The following MAGI1 variants were observed in gnomAD, a reference collection of about 807,000 sequenced individuals.
MAGI1 encodes membrane-associated guanylate kinase, WW and PDZ domain-containing protein 1.
MAGI1 carries 58 observed loss-of-function variants against 139.9 expected under a neutral mutation model. The observed-to-expected ratio is 0.41, with a 90% CI of 0.34 to 0.52. The LOEUF (loss-of-function observed/expected upper bound fraction) is 0.52. MAGI1 is among the 20% of genes least tolerant of loss of function. The pLI is 0.12. For missense variants in MAGI1, 1,874 were observed against 1,901.6 expected (o/e 0.99, Z 0.27); for synonymous variants, 812 against 737.9 (o/e 1.10, Z -1.63).
intron 9 of MAGI1, 50 bp from the exon 10 acceptor site, chr3:65,437,297 G>T: frequency 1.7e-6 from 2 of 1,183,362 alleles, no homozygotes; most frequent in South Asian, 2.5e-5. Context: ...ATGGCTCATT[G>T]AGTTACTTAT....
At chr3:65,484,833 T>C (rs977740816) in intron 3 of MAGI1, among the ~76,000 whole-genome samples, 6 of 152,204 alleles carry the variant, frequency 3.9e-5, no homozygotes, top group Admixed American at 3.3e-4. Flanking sequence ...TCAGTTCTTA[T>C]ATGTTCTCAA....
chr3:65,363,046 G>A (rs75983217), intron 21 of MAGI1, among the ~76,000 whole-genome samples: 5,426 of 152,186 alleles, frequency 0.036, 546 homozygotes, highest in East Asian at 0.3. Context: ...TAACCAGCTA[G>A]AGGATAAGTA....
chr3:65,810,445 A>G (rs1202968954), intron 1 of MAGI1, among the ~76,000 whole-genome samples: 1 of 152,258 alleles, frequency 6.6e-6, no homozygotes, highest in African/African-American at 2.4e-5. Flanking sequence ...ATGAAACATG[A>G]GTAATTCCAT....
chr3:65,821,626 C>T (rs993091701), intron 1 of MAGI1, among the ~76,000 whole-genome samples: 4 of 152,200 alleles, frequency 2.6e-5, no homozygotes, highest in Non-Finnish European at 5.9e-5. Context: ...TTCTTACCCA[C>T]CAGCATGGCT....
At chr3:65,857,545 G>A (rs913904337) in intron 1 of MAGI1, among the ~76,000 whole-genome samples, 1 of 152,112 alleles carries the variant, frequency 6.6e-6, no homozygotes, top group Non-Finnish European at 1.5e-5. Context: ...CACGGTTCAG[G>A]GTCCAGAGCT....
At chr3:65,495,830 G>A (rs910813452) in intron 2 of MAGI1, among the ~76,000 whole-genome samples, 2 of 152,032 alleles carry the variant, frequency 1.3e-5, no homozygotes, top group African/African-American at 4.8e-5. Flanking sequence ...AGAGGGAAGG[G>A]AAAAGGCTTT....
intron 2 of MAGI1, among the ~76,000 whole-genome samples, chr3:65,570,006 A>T (rs985162222): frequency 6.6e-6 from 1 of 151,134 alleles, no homozygotes; most frequent in Non-Finnish European, 1.5e-5. Context: ...GATGAGAGGT[A>T]GTATACTCTC....
chr3:65,897,732 G>A (rs374902926), intron 1 of MAGI1, among the ~76,000 whole-genome samples: 1 of 151,726 alleles, frequency 6.6e-6, no homozygotes, highest in Non-Finnish European at 1.5e-5. Context: ...GCATGGTGGT[G>A]TACCCCTGCA....
At chr3:65,611,558 T>C (rs191602912) in intron 2 of MAGI1, among the ~76,000 whole-genome samples, 11 of 143,296 alleles carry the variant, frequency 7.7e-5, no homozygotes, top group African/African-American at 1.8e-4. Flanking sequence ...ATACTGTATA[T>C]ACACATATAT....
At chr3:65,517,239 G>C (rs888574421) in intron 2 of MAGI1, among the ~76,000 whole-genome samples, 3 of 152,042 alleles carry the variant, frequency 2.0e-5, no homozygotes, top group African/African-American at 7.2e-5. Context: ...TGTCTCAGTT[G>C]GCCACTCTTT....
At position 65,848,374 on chromosome 3, in the gene MAGI1, T is replaced by C. The variant is rs969748629; in HGVS notation, c.313+189622A>G. ...AGGCTTAATAAGAAGCTGACATCGA[T>C]ATCTGATGGCCTGAGAATCTACTTC... On this transcript the variant is annotated intron_variant, in intron 1 of 22. Coordinates refer to ENST00000402939, the MANE Select transcript of MAGI1 (RefSeq NM_001033057.2). Among the ~76,000 whole-genome samples, 7 of 152,308 alleles carry C rather than the reference T, an allele frequency of 4.6e-5. No homozygotes were observed. In the East Asian group the frequency reaches 9.7e-4, roughly 21 times the overall value.
rs375719731 is a variant in MAGI1 at position 65,695,277 on chromosome 3, G to T, written c.314-73189C>A. Among the ~76,000 whole-genome samples, 15 of 152,310 alleles carry T rather than the reference G, an allele frequency of 9.8e-5. No homozygotes were observed. In the East Asian group the frequency reaches 2.5e-3, roughly 26 times the overall value. On this transcript the variant is annotated intron_variant, in intron 1 of 22. Coordinates refer to ENST00000402939, the MANE Select transcript of MAGI1 (RefSeq NM_001033057.2). ...TTAGGTGGGAGACTGTTGGGACAAA[G>T]TTCGGCCTGATTCAGGCATCACCCC... is the stretch of plus-strand genomic sequence containing the variant.
At chr3:65,407,110 C>T (rs775120699) in intron 12 of MAGI1, among the ~76,000 whole-genome samples, 10 of 151,876 alleles carry the variant, frequency 6.6e-5, no homozygotes, top group Non-Finnish European at 1.3e-4. Context: ...TGCAAAAATT[C>T]CTATAAAAAG....
At chr3:65,956,771 G>A (rs2064147620) in intron 1 of MAGI1, among the ~76,000 whole-genome samples, 1 of 152,142 alleles carries the variant, frequency 6.6e-6, no homozygotes, top group Non-Finnish European at 1.5e-5. Flanking sequence ...GCTGAGGCGG[G>A]AGGACCACTT....
intron 1 of MAGI1, among the ~76,000 whole-genome samples, chr3:65,645,440 A>G (rs2085207923): frequency 6.6e-6 from 1 of 152,190 alleles, no homozygotes; most frequent in Non-Finnish European, 1.5e-5. Flanking sequence ...TTCTACATCC[A>G]GTAAAAATAT....
At chr3:65,476,631 G>T (rs537160721) in intron 4 of MAGI1, among the ~76,000 whole-genome samples, 1 of 152,292 alleles carries the variant, frequency 6.6e-6, no homozygotes, top group Non-Finnish European at 1.5e-5. Flanking sequence ...AGGCACACAA[G>T]CTTCTTGGGG....
chr3:65,690,721 C>A (rs867570224), intron 1 of MAGI1, among the ~76,000 whole-genome samples: 1 of 151,206 alleles, frequency 6.6e-6, no homozygotes, highest in Admixed American at 6.6e-5. Flanking sequence ...CTCAAGTGAT[C>A]CACCTCCCAA....
chr3:65,890,749 C>T (rs939501344), intron 1 of MAGI1, among the ~76,000 whole-genome samples: 4 of 152,224 alleles, frequency 2.6e-5, no homozygotes, highest in African/African-American at 9.6e-5. Context: ...CAAGGCCAGT[C>T]ATACAGCTGG....
chr3:65,976,969 C>T (rs2065296347), intron 1 of MAGI1, among the ~76,000 whole-genome samples: 1 of 152,108 alleles, frequency 6.6e-6, no homozygotes, highest in African/African-American at 2.4e-5. Flanking sequence ...TATTTTCAAG[C>T]AGAAATTGTG....
Sources: gnomAD v4.1 joint callset for allele counts (sites outside exome capture counted in the v4.1 genomes callset) on GRCh38, gnomAD v4.1.1 for gene constraint, MANE v1.5 for transcripts, NCBI Gene and HGNC (gene_info 2026-07-23, HGNC 2026-07-21) for gene names.